BLMH: variants seen among roughly 807,000 people sequenced by gnomAD.
BLMH encodes BLM hydrolase.
BLMH carries 32 observed loss-of-function variants against 61.6 expected under a neutral mutation model. That is an observed-to-expected ratio of 0.52 (90% CI 0.39 to 0.70). The LOEUF (loss-of-function observed/expected upper bound fraction) is 0.70. BLMH is among the 30% of genes least tolerant of loss of function. The pLI is 0.00. For synonymous variants in BLMH, 183 were observed against 193.8 expected (o/e 0.94, Z 0.46); for missense variants, 460 against 555.5 (o/e 0.83, Z 1.73).
At chr17:30,254,192 CCTCA>C (rs1187419596) in intron 11 of BLMH, among the ~76,000 whole-genome samples, 3 of 152,120 alleles carry the variant, frequency 2.0e-5, no homozygotes, top group African/African-American at 7.2e-5. Context: ...AGGAATTTCA[CCTCA>C]CTAACAAACT....
At chr17:30,268,365 A>G (rs1214380696) in intron 10 of BLMH, among the ~76,000 whole-genome samples, 1 of 152,178 alleles carries the variant, frequency 6.6e-6, no homozygotes, top group African/African-American at 2.4e-5. Context: ...ATCAGCAACA[A>G]AAGAAAGAAA....
At chr17:30,259,927 G>A (rs1406530566) in intron 11 of BLMH, among the ~76,000 whole-genome samples, 5 of 152,210 alleles carry the variant, frequency 3.3e-5, no homozygotes, top group Non-Finnish European at 5.9e-5. Flanking sequence ...AATTTTTAGA[G>A]ATCTGAAACT....
intron 10 of BLMH, 139 bp from the exon 11 acceptor site, chr17:30,267,093 G>A: frequency 1.5e-6 from 1 of 651,322 alleles, no homozygotes; most frequent in Middle Eastern, 2.6e-4. Context: ...CAGGCAGCCT[G>A]CTCTAAACAG....
chr17:30,248,792 G>A lies in BLMH; in HGVS notation c.*225C>T, dbSNP rs191353216. On this transcript the variant is annotated 3_prime_UTR_variant, in exon 12 of 12. Coordinates refer to ENST00000261714, the MANE Select transcript of BLMH (RefSeq NM_000386.4). ...GATCCTGAGCTGTTAGAGATGAGGAGAGTAGATAGTATGACCTGATCTTCC... is the reference window on the plus strand; with the variant it reads ...GATCCTGAGCTGTTAGAGATGAGGAAAGTAGATAGTATGACCTGATCTTCC... The A allele has an allele frequency of 1.9e-6, 1 of 528,414 alleles. No homozygotes were observed. Among genetic ancestry groups the A allele is most frequent in the Non-Finnish European group, 3.3e-6 (1 of 298,534 alleles). 32.7% of individuals were successfully genotyped at this position (528,414 alleles called of 1,614,324 possible). A position where few individuals can be genotyped will look rare whatever the true frequency, so the allele number is the denominator to read the frequency against.
chr17:30,285,610 A>C (rs1032904820), intron 5 of BLMH, 130 bp from the exon 6 acceptor site: 3 of 584,826 alleles, frequency 5.1e-6, no homozygotes, highest in Non-Finnish European at 8.3e-6. Flanking sequence ...CATAAAGGCA[A>C]ATGTGTTTTT....
At chr17:30,267,250 T>C (rs1908137532) in intron 10 of BLMH, among the ~76,000 whole-genome samples, 2 of 152,218 alleles carry the variant, frequency 1.3e-5, no homozygotes, top group Admixed American at 6.5e-5. Flanking sequence ...ATACATAAAA[T>C]AGGCATGTAA....
intron 11 of BLMH, among the ~76,000 whole-genome samples, chr17:30,260,426 G>C (rs1907925268): frequency 6.6e-6 from 1 of 152,222 alleles, no homozygotes; most frequent in African/African-American, 2.4e-5. Flanking sequence ...CACATAGTCT[G>C]TCCTTGCCCA....
chr17:30,286,914 C>T lies in BLMH; in HGVS notation c.464-12G>A. On this transcript the variant is annotated splice_polypyrimidine_tract_variant and intron_variant, in intron 4 of 11. Coordinates refer to ENST00000261714, the MANE Select transcript of BLMH (RefSeq NM_000386.4). ...AACACCATATTTTTCTAAAAGAAAACAAATTCTAGTGTTAAAGAAGGTAAA... is the reference window on the plus strand; with the variant it reads ...AACACCATATTTTTCTAAAAGAAAATAAATTCTAGTGTTAAAGAAGGTAAA... 6.6e-7 allele frequency: 1 copy of T among 1,520,546 alleles called. No homozygotes were observed. The highest frequency in any genetic ancestry group is 1.4e-5 in the African/African-American group (1 of 72,636). The allele number at this position is 1,520,546 out of a possible 1,614,324, so 94.2% of individuals were successfully genotyped here. A position where few individuals can be genotyped will look rare whatever the true frequency, so the allele number is the denominator to read the frequency against.
chr17:30,270,980 C>T (rs1256351030), intron 10 of BLMH, among the ~76,000 whole-genome samples: 1 of 152,206 alleles, frequency 6.6e-6, no homozygotes, highest in Non-Finnish European at 1.5e-5. Context: ...GTTATCTTCT[C>T]TCAAGTTCCC....
rs1487896242 is a variant in BLMH at position 30,262,512 on chromosome 17, T to C, written c.1216+4373A>G. Reference sequence around the variant, plus strand: ...ATAAAAAGTTAAGAACTAAATAACCTTGGCCGGGCACGGTGGCTCACGCCT... The same window carrying C: ...ATAAAAAGTTAAGAACTAAATAACCCTGGCCGGGCACGGTGGCTCACGCCT... On this transcript the variant is annotated intron_variant, in intron 11 of 11. Coordinates refer to ENST00000261714, the MANE Select transcript of BLMH (RefSeq NM_000386.4). Among the ~76,000 whole-genome samples the C allele has an allele frequency of 2.0e-5, 3 of 152,176 alleles. No homozygotes were observed. In the South Asian group the frequency reaches 6.2e-4, roughly 32 times the overall value.
chr17:30,280,963 C>T (rs1337189189), intron 6 of BLMH, among the ~76,000 whole-genome samples: 1 of 151,966 alleles, frequency 6.6e-6, no homozygotes, highest in African/African-American at 2.4e-5. Context: ...AGGAACCTAC[C>T]TTAGTGACTG....
chr17:30,289,284 G>T, intron 3 of BLMH, 89 bp downstream of exon 3: 1 of 718,804 alleles, frequency 1.4e-6, no homozygotes, highest in Non-Finnish European at 2.2e-6. Context: ...GAAAGGGCAG[G>T]CTATAACTGG....
At position 30,272,588 on chromosome 17, in the gene BLMH, C is replaced by A; in HGVS notation, c.1001G>T (p.Ser334Ile). Reference sequence around the variant, plus strand: ...ATTCATGTCACTGAGGCCCAGCTTGCTATTGAAGTGTTTTCCAACATCACA... The same window carrying A: ...ATTCATGTCACTGAGGCCCAGCTTGATATTGAAGTGTTTTCCAACATCACA... ...FGCDVGKHFNSKLGLSDMNLY... is the reference protein window; with the variant it reads ...FGCDVGKHFNIKLGLSDMNLY... Residue 334 changes from serine to isoleucine, a missense_variant, in exon 9 of 12, where the codon AGC becomes ATC. Transcript: ENST00000261714. 6.2e-7 allele frequency: 1 copy of A among 1,614,180 alleles called. No individual in the cohort carries two copies. Among genetic ancestry groups the A allele is most frequent in the Non-Finnish European group, 8.5e-7 (1 of 1,180,042 alleles).
Position 30,291,377 on chromosome 17 carries a change from C to T in BLMH, c.145G>A (p.Ala49Thr). ...ICLKRATVQR[A>T]QHVFQHAVPQ... Reference sequence around the variant, plus strand: ...ACGGCGTGCTGGAACACATGCTGCGCGCGCTGCACCGTGGCCCGCTTCAGA... The same window carrying T: ...ACGGCGTGCTGGAACACATGCTGCGTGCGCTGCACCGTGGCCCGCTTCAGA... The change falls in exon 2 of 12, where the codon GCG (alanine) becomes ACG (threonine). Residue 49 changes from alanine to threonine, a missense_variant. Physicochemically the swap from Ala to Thr is moderately conservative, Grantham distance 58. Around this residue, in one of 5 missense-constraint regions of BLMH, gnomAD observed 86 missense variants for 84.5 expected, o/e 1.02. Transcript: ENST00000261714. The T allele has an allele frequency of 6.2e-7, 1 of 1,613,738 alleles. No homozygotes were observed. The highest frequency in any genetic ancestry group is 8.5e-7 in the Non-Finnish European group (1 of 1,180,014).
chr17:30,271,237 G>A lies in BLMH; in HGVS notation c.1146+34C>T, dbSNP rs541244118. 102 of 1,438,930 alleles carry A rather than the reference G, an allele frequency of 7.1e-5. No homozygotes were observed. In the East Asian group the frequency reaches 1.2e-3, roughly 17 times the overall value. The allele number at this position is 1,438,930 out of a possible 1,614,324, so 89.1% of individuals were successfully genotyped here. The stretch of plus-strand genomic sequence containing the variant: ...TACAGGAGAATGTAGATCCATCTGT[G>A]CAAACACTCCAGCAGGCATGCTGAG... On this transcript the variant is annotated intron_variant, in intron 10 of 11. Coordinates refer to ENST00000261714, the MANE Select transcript of BLMH (RefSeq NM_000386.4).
intron 6 of BLMH, among the ~76,000 whole-genome samples, chr17:30,281,105 T>TG (rs1324687384): frequency 6.6e-6 from 1 of 151,552 alleles, no homozygotes; most frequent in African/African-American, 2.4e-5. Context: ...TTTTTTTTTT[T>TG]TTTTAAAGTA....
At chr17:30,255,811 T>C (rs1025285170) in intron 11 of BLMH, among the ~76,000 whole-genome samples, 12 of 152,140 alleles carry the variant, frequency 7.9e-5, no homozygotes, top group African/African-American at 2.7e-4. Context: ...ACAGGAGAAT[T>C]GCTTGAACCA....
chr17:30,262,071 G>GA (rs1223791193), intron 11 of BLMH, among the ~76,000 whole-genome samples: 3 of 152,146 alleles, frequency 2.0e-5, no homozygotes, highest in African/African-American at 7.2e-5. Flanking sequence ...GGTTCAAAAT[G>GA]AAAACCAGGA....
In BLMH at chr17:30,258,883, A is replaced by G. The variant is rs540232327; in HGVS notation, c.1216+8002T>C. On this transcript the variant is annotated intron_variant, in intron 11 of 11. Coordinates refer to ENST00000261714, the MANE Select transcript of BLMH (RefSeq NM_000386.4). ...TCAAAAGCTCTGTGAATGGCAAGCCACATTATTTCTTGGCTTCACTCCTCT... is the reference window on the plus strand; with the variant it reads ...TCAAAAGCTCTGTGAATGGCAAGCCGCATTATTTCTTGGCTTCACTCCTCT... Among the ~76,000 whole-genome samples, 57 of 152,340 alleles carry G rather than the reference A, an allele frequency of 3.7e-4. 1 individual carries two copies. The highest frequency in any genetic ancestry group is 1.3e-3 in the African/African-American group (53 of 41,586).
Sources: allele counts gnomAD v4.1 joint callset (sites outside exome capture counted in the v4.1 genomes callset), GRCh38; gene constraint gnomAD v4.1.1; regional missense constraint gnomAD v4.1.1; transcripts MANE v1.5; gene names NCBI Gene and HGNC (gene_info 2026-07-23, HGNC 2026-07-21).